The following CD48 variants were observed in gnomAD, a reference collection of about 807,000 sequenced individuals.
CD48 encodes the protein CD48 molecule.
A neutral mutation model predicts 22.0 loss-of-function variants in CD48; 20 were observed. The observed-to-expected ratio is 0.91, with a 90% CI of 0.64 to 1.32. CD48 has a LOEUF of 1.32. CD48 is among the 40% of genes most tolerant of loss of function. The probability of loss-of-function intolerance (pLI) is 0.00; values close to 1 mark genes in which losing one functional copy is unlikely to be tolerated. For missense variants in CD48, 307 were observed against 286.5 expected, an observed-to-expected ratio of 1.07 and a Z score of -0.52; for synonymous variants, 110 against 110.1, an observed-to-expected ratio of 1.00 and a Z score of 0.01.
rs541641554 is a variant in CD48 at position 160,697,874 on chromosome 1, G to A, written c.83-12685C>T. On this transcript the variant is annotated intron_variant, in intron 1 of 3. Transcript: ENST00000368046. ...ACAAGTGAGTCCAGCTGTTGATAGCGACTTAACAGAAAGTCTAGACAAACA... is the reference window on the plus strand; with the variant it reads ...ACAAGTGAGTCCAGCTGTTGATAGCAACTTAACAGAAAGTCTAGACAAACA... Among the ~76,000 whole-genome samples the A allele has an allele frequency of 4.6e-5, 7 of 152,174 alleles. No individual in the cohort carries two copies. The South Asian group carries it at 8.3e-4, about 18-fold the overall frequency.
intron 1 of CD48, chr1:160,686,802 T>C (rs1023744176): frequency 6.6e-6 from 1 of 152,192 alleles, no homozygotes; most frequent in African/African-American, 2.4e-5. Context: ...CATCAAGTAC[T>C]TAACGGGGTA....
At chr1:160,696,654 C>A (rs1338055029) in intron 1 of CD48, among the ~76,000 whole-genome samples, 1 of 151,308 alleles carries the variant, frequency 6.6e-6, no homozygotes, top group Non-Finnish European at 1.5e-5. Context: ...AGGTCTGTGT[C>A]CTAATGCATT....
chr1:160,710,379 C>T (rs1400529005), intron 1 of CD48, among the ~76,000 whole-genome samples: 1 of 147,828 alleles, frequency 6.8e-6, no homozygotes, highest in Non-Finnish European at 1.5e-5. Flanking sequence ...TTGTATTTTA[C>T]TAACCCAGGT....
chr1:160,684,735 A>G (rs751610046), intron 2 of CD48, 152 bp downstream of exon 2: 48 of 1,584,478 alleles, frequency 3.0e-5, no homozygotes, highest in East Asian at 6.8e-5. Flanking sequence ...CTCACTCCCA[A>G]ATAGAATTGG....
intron 1 of CD48, among the ~76,000 whole-genome samples, chr1:160,693,725 G>A (rs573073358): frequency 2.1e-5 from 3 of 142,774 alleles, no homozygotes; most frequent in Non-Finnish European, 3.2e-5. Flanking sequence ...CTACCAAAAG[G>A]GCTAGTCAAT....
chr1:160,683,455 C>A (rs569077571), intron 2 of CD48: 9 of 151,006 alleles, frequency 6.0e-5, no homozygotes, highest in Admixed American at 5.9e-4. Flanking sequence ...TTATTGAAAT[C>A]AACTGTGGTA....
At chr1:160,690,943 T>C (rs987119839) in intron 1 of CD48, among the ~76,000 whole-genome samples, 1 of 152,178 alleles carries the variant, frequency 6.6e-6, no homozygotes, top group Admixed American at 6.5e-5. Flanking sequence ...CTGAAACATG[T>C]GCTGTGTCAA....
intron 2 of CD48, chr1:160,684,162 C>T (rs1366716136): frequency 6.6e-6 from 1 of 152,324 alleles, no homozygotes; most frequent in Non-Finnish European, 1.5e-5. Context: ...AATCTTCTCC[C>T]CTTAAGCCCT....
At position 160,679,151 on chromosome 1, in the gene CD48, C is replaced by T. The variant is rs1279445060; in HGVS notation, c.653-20G>A. Reference sequence around the variant, plus strand: ...ACCGGGCTGAAAGAGCAAGAAAACCCTATATGCTTAGGTATCTTTATCTTG... The same window carrying T: ...ACCGGGCTGAAAGAGCAAGAAAACCTTATATGCTTAGGTATCTTTATCTTG... On this transcript the variant is annotated intron_variant, in intron 3 of 3. Coordinates refer to ENST00000368046, the MANE Select transcript of CD48 (RefSeq NM_001778.4). The T allele has an allele frequency of 3.1e-6, 5 of 1,604,636 alleles. No individual in the cohort carries two copies. Among genetic ancestry groups the T allele is most frequent in the Non-Finnish European group, 4.3e-6 (5 of 1,171,470 alleles).
chr1:160,682,012 T>C (rs185570082), intron 2 of CD48, among the ~76,000 whole-genome samples: 4 of 152,332 alleles, frequency 2.6e-5, no homozygotes, highest in South Asian at 2.1e-4. Flanking sequence ...AAGAACTTCA[T>C]GTAACTTCCA....
chr1:160,694,977 A>T (rs1489477559), intron 1 of CD48, among the ~76,000 whole-genome samples: 1 of 152,234 alleles, frequency 6.6e-6, no homozygotes, highest in African/African-American at 2.4e-5. Context: ...GGCGTATGTT[A>T]ACTGACTTAA....
At chr1:160,697,682 G>A (rs760828076) in intron 1 of CD48, among the ~76,000 whole-genome samples, 25 of 152,200 alleles carry the variant, frequency 1.6e-4, no homozygotes, top group Non-Finnish European at 2.9e-4. Context: ...TTGCCCCAAG[G>A]AAATTCCTAA....
intron 1 of CD48, among the ~76,000 whole-genome samples, chr1:160,708,869 G>A (rs1662869198): frequency 6.6e-6 from 1 of 152,164 alleles, no homozygotes; most frequent in African/African-American, 2.4e-5. Flanking sequence ...TGCAAAGCTA[G>A]CTTAGAAAAG....
intron 1 of CD48, among the ~76,000 whole-genome samples, chr1:160,701,299 T>C (rs1236681478): frequency 6.7e-6 from 1 of 149,516 alleles, no homozygotes; most frequent in African/African-American, 2.5e-5. Flanking sequence ...CCATCCGCCA[T>C]TTGCCTGATT....
At chr1:160,708,006 T>C (rs1218391689) in intron 1 of CD48, among the ~76,000 whole-genome samples, 1 of 152,196 alleles carries the variant, frequency 6.6e-6, no homozygotes, top group African/African-American at 2.4e-5. Context: ...GATTTCGCTA[T>C]TGGTGATAAG....
chr1:160,678,887 A>G lies in CD48; in HGVS notation c.*165T>C. ...CTAGAAAACAACAAAGGGATATAAAATTAAATAATAACCAGTATTTAAAAG... is the reference window on the plus strand; with the variant it reads ...CTAGAAAACAACAAAGGGATATAAAGTTAAATAATAACCAGTATTTAAAAG... On this transcript the variant is annotated 3_prime_UTR_variant, in exon 4 of 4. Coordinates refer to ENST00000368046, the MANE Select transcript of CD48 (RefSeq NM_001778.4). The G allele has an allele frequency of 1.7e-6, 1 of 590,452 alleles. No homozygotes were observed. Among genetic ancestry groups the G allele is most frequent in the Non-Finnish European group, 3.0e-6 (1 of 329,254 alleles). 36.6% of individuals were successfully genotyped at this position (590,452 alleles called of 1,614,324 possible).
At chr1:160,680,121 G>A (rs553707912) in intron 3 of CD48, among the ~76,000 whole-genome samples, 148 of 152,330 alleles carry the variant, frequency 9.7e-4, no homozygotes, top group African/African-American at 3.4e-3. Flanking sequence ...AAACAGCAAC[G>A]TTCTCAGAGG....
intron 1 of CD48, among the ~76,000 whole-genome samples, chr1:160,689,259 G>A (rs753728981): frequency 1.7e-4 from 26 of 152,128 alleles, no homozygotes; most frequent in Non-Finnish European, 3.1e-4. Flanking sequence ...TCTTCTCCTG[G>A]TTGAGCAGGG....
intron 1 of CD48, 72 bp downstream of exon 1, chr1:160,711,610 A>G: frequency 8.6e-7 from 1 of 1,165,498 alleles, no homozygotes; most frequent in Non-Finnish European, 1.3e-6. Context: ...GTTGAACTAC[A>G]TCCCGTCTCC....
Sources: gnomAD v4.1 joint callset for allele counts (sites outside exome capture counted in the v4.1 genomes callset) on GRCh38, gnomAD v4.1.1 for gene constraint, MANE v1.5 for transcripts, NCBI Gene and HGNC (gene_info 2026-07-23, HGNC 2026-07-21) for gene names.